The following SRL variants were observed in gnomAD, a reference collection of about 807,000 sequenced individuals.
SRL encodes the protein sarcalumenin.
A neutral mutation model predicts 39.5 loss-of-function variants in SRL; 23 were observed. The observed-to-expected ratio is 0.58, with a 90% confidence interval of 0.42 to 0.82. The LOEUF (loss-of-function observed/expected upper bound fraction) is 0.82. Among genes scored for constraint, SRL ranks in the 40% least tolerant of loss-of-function variants. The pLI is 0.00. For missense variants in SRL, 592 were observed against 607.8 expected (o/e 0.97, Z 0.27); for synonymous variants, 272 against 237.4 (o/e 1.15, Z -1.34).
chr16:4,194,779 C>T (rs1046207346), intron 5 of SRL, among the ~76,000 whole-genome samples: 1 of 152,122 alleles, frequency 6.6e-6, no homozygotes, highest in Admixed American at 6.6e-5. Flanking sequence ...CAGATGGCAT[C>T]GCAGTAACGA....
intron 1 of SRL, among the ~76,000 whole-genome samples, chr16:4,236,656 T>A (rs2052717216): frequency 6.6e-6 from 1 of 152,106 alleles, no homozygotes; most frequent in Admixed American, 6.6e-5. Flanking sequence ...TGAACTTTTT[T>A]TTTTTGAGAC....
At chr16:4,237,020 C>T (rs2052721020) in intron 1 of SRL, among the ~76,000 whole-genome samples, 1 of 151,866 alleles carries the variant, frequency 6.6e-6, no homozygotes, top group Non-Finnish European at 1.5e-5. Context: ...CAGCTCACTG[C>T]AGCCTCAGCC....
At chr16:4,221,193 T>C (rs1382472057) in intron 1 of SRL, among the ~76,000 whole-genome samples, 1 of 151,866 alleles carries the variant, frequency 6.6e-6, no homozygotes, top group Non-Finnish European at 1.5e-5. Context: ...GGACTACAGG[T>C]GCATGCCACC....
At chr16:4,213,408 T>TC (rs2052418017) in intron 1 of SRL, among the ~76,000 whole-genome samples, 1 of 119,060 alleles carries the variant, frequency 8.4e-6, no homozygotes, top group East Asian at 2.1e-4. Context: ...CTTTTTCTTT[T>TC]TTTTTTTTTT....
At chr16:4,220,971 C>T (rs949048154) in intron 1 of SRL, among the ~76,000 whole-genome samples, 5 of 151,688 alleles carry the variant, frequency 3.3e-5, no homozygotes, top group Admixed American at 6.6e-5. Flanking sequence ...GGCAACAGAG[C>T]GAGATCCTGT....
At position 4,196,471 on chromosome 16, in the gene SRL, C is replaced by CT. The variant is rs35980213; in HGVS notation, c.377-686dup. On this transcript the variant is annotated intron_variant, in intron 4 of 5. Coordinates refer to ENST00000399609, the MANE Select transcript of SRL (RefSeq NM_001098814.2). ...GCGTCTCTCTCTCTGATTTTGCCTTCTTTTTTTTTTTTTTTTTTTTTCCTT... is the reference window on the plus strand; with the variant it reads ...GCGTCTCTCTCTCTGATTTTGCCTTCTTTTTTTTTTTTTTTTTTTTTTCCTT... Among the ~76,000 whole-genome samples the CT allele has an allele frequency of 6.3e-3, 775 of 123,658 alleles. 2 individuals are homozygous for CT. The highest frequency in any genetic ancestry group is 0.01 in the East Asian group (42 of 4,044). The allele number at this position is 123,658 out of a possible 152,430, so 81.1% of individuals were successfully genotyped here. A position where few individuals can be genotyped will look rare whatever the true frequency, so the allele number is the denominator to read the frequency against.
chr16:4,196,769 G>A (rs918323385), intron 4 of SRL, among the ~76,000 whole-genome samples: 10 of 151,790 alleles, frequency 6.6e-5, no homozygotes, highest in Non-Finnish European at 8.8e-5. Flanking sequence ...GTGAGCCACC[G>A]CGCCCAGCCG....
chr16:4,215,501 C>CA lies in SRL; in HGVS notation c.62-10868dup, dbSNP rs780663235. On this transcript the variant is annotated intron_variant, in intron 1 of 5. Coordinates refer to ENST00000399609, the MANE Select transcript of SRL (RefSeq NM_001098814.2). The stretch of plus-strand genomic sequence containing the variant: ...CAACTGGCTTGATTTCACTCATGAA[C>CA]AAAACCCCAAAACCCTGGTAAGTGC... Among the ~76,000 whole-genome samples, 18 of 152,280 alleles carry CA rather than the reference C, an allele frequency of 1.2e-4. No individual in the cohort carries two copies. In the East Asian group the frequency reaches 2.7e-3, roughly 23 times the overall value.
intron 1 of SRL, among the ~76,000 whole-genome samples, chr16:4,226,988 GT>G (rs1468498033): frequency 2.0e-5 from 3 of 150,136 alleles, no homozygotes; most frequent in Non-Finnish European, 4.4e-5. Flanking sequence ...AGGTGTGTGG[GT>G]GGATGAGTGG....
chr16:4,223,233 A>C (rs1170860052), intron 1 of SRL, among the ~76,000 whole-genome samples: 43 of 50,382 alleles, frequency 8.5e-4, no homozygotes, highest in African/African-American at 8.1e-3. Flanking sequence ...CTCTGTCTCA[A>C]AAAAAAAAAA....
In SRL at chr16:4,191,977, C is replaced by T. The variant is rs977155486; in HGVS notation, c.*176G>A. ...CAAGCACACAGGAATTCACAGTTTC[C>T]ACTCTCCTCCCTAGACCCACACACC... On this transcript the variant is annotated 3_prime_UTR_variant, in exon 6 of 6. Coordinates refer to ENST00000399609, the MANE Select transcript of SRL (RefSeq NM_001098814.2). The T allele has an allele frequency of 2.4e-5, 15 of 618,148 alleles. No individual in the cohort carries two copies. Among genetic ancestry groups the T allele is most frequent in the Middle Eastern group, 4.4e-4 (1 of 2,292 alleles). 38.3% of individuals were successfully genotyped at this position (618,148 alleles called of 1,614,324 possible). A position where few individuals can be genotyped will look rare whatever the true frequency, so the allele number is the denominator to read the frequency against.
At chr16:4,219,378 T>C (rs557559610) in intron 1 of SRL, among the ~76,000 whole-genome samples, 1 of 152,362 alleles carries the variant, frequency 6.6e-6, no homozygotes, top group East Asian at 1.9e-4. Context: ...CCCCCTATTG[T>C]TCCTACAAAG....
chr16:4,196,695 G>A (rs959205529), intron 4 of SRL, among the ~76,000 whole-genome samples: 3 of 152,014 alleles, frequency 2.0e-5, no homozygotes, highest in African/African-American at 7.2e-5. Flanking sequence ...TGGCCAGGCT[G>A]GTCTTGAAGT....
intron 5 of SRL, among the ~76,000 whole-genome samples, chr16:4,193,961 ATTACTACTAATATTATTAATTGCTT>A (rs1418842681): frequency 6.6e-6 from 1 of 150,728 alleles, no homozygotes; most frequent in African/African-American, 2.4e-5. Flanking sequence ...TATTACTAAT[ATTACTACTAATATTATTAATTGCTT>A]CTAATATTAC....
At chr16:4,193,777 G>A (rs2052098099) in intron 5 of SRL, among the ~76,000 whole-genome samples, 1 of 151,430 alleles carries the variant, frequency 6.6e-6, no homozygotes, top group Non-Finnish European at 1.5e-5. Context: ...GAGGAGATGA[G>A]GACTACCTGT....
At chr16:4,200,747 A>G (rs1165505628) in intron 3 of SRL, among the ~76,000 whole-genome samples, 2 of 152,272 alleles carry the variant, frequency 1.3e-5, no homozygotes, top group Admixed American at 6.5e-5. Context: ...TAGTACAGGT[A>G]GCTGTGGAAC....
intron 3 of SRL, among the ~76,000 whole-genome samples, chr16:4,201,212 C>G (rs1275558630): frequency 2.0e-5 from 3 of 151,842 alleles, no homozygotes; most frequent in Non-Finnish European, 4.4e-5. Context: ...CTCCCAGGCT[C>G]AAATGATCCT....
intron 1 of SRL, among the ~76,000 whole-genome samples, chr16:4,222,660 T>C (rs1026043200): frequency 7.6e-6 from 1 of 131,322 alleles, no homozygotes; most frequent in South Asian, 2.3e-4. Flanking sequence ...CACTGGAGGC[T>C]GCAGATATCC....
chr16:4,220,152 A>C (rs2052505637), intron 1 of SRL, among the ~76,000 whole-genome samples: 1 of 151,994 alleles, frequency 6.6e-6, no homozygotes, highest in African/African-American at 2.4e-5. Context: ...CCATCCTAGA[A>C]ATCTCACGTC....
Sources: allele counts gnomAD v4.1 joint callset (sites outside exome capture counted in the v4.1 genomes callset), GRCh38; gene constraint gnomAD v4.1.1; transcripts MANE v1.5; gene names NCBI Gene and HGNC (gene_info 2026-07-23, HGNC 2026-07-21).